PARVA: variants seen among roughly 807,000 people sequenced by gnomAD.
PARVA encodes the protein parvin alpha.
Under a neutral mutation model 52.6 loss-of-function variants are expected in PARVA, and 25 were observed. The ratio of observed to expected loss-of-function variants is 0.48; its 90% CI spans 0.35 to 0.66. PARVA has a LOEUF of 0.66. PARVA is among the 30% of genes least tolerant of loss of function. The probability of loss-of-function intolerance (pLI) is 0.01; values close to 1 mark genes in which losing one functional copy is unlikely to be tolerated. For synonymous variants in PARVA, 185 were observed against 179.1 expected (o/e 1.03, Z -0.26); for missense variants, 373 against 450.9 (o/e 0.83, Z 1.56).
intron 1 of PARVA, among the ~76,000 whole-genome samples, chr11:12,469,608 TG>T (rs1940904195): frequency 1.3e-5 from 2 of 152,156 alleles, no homozygotes; most frequent in Non-Finnish European, 2.9e-5. Context: ...TGGCCACTAA[TG>T]GGGCCCCATG....
intron 1 of PARVA, among the ~76,000 whole-genome samples, chr11:12,437,816 G>A (rs1484182140): frequency 6.6e-6 from 1 of 152,122 alleles, no homozygotes; most frequent in African/African-American, 2.4e-5. Context: ...AAAAAGGAAA[G>A]GTGGCAGCTT....
At chr11:12,382,953 A>G (rs1484276557) in intron 1 of PARVA, among the ~76,000 whole-genome samples, 1 of 152,226 alleles carries the variant, frequency 6.6e-6, no homozygotes, top group Non-Finnish European at 1.5e-5. Context: ...GAAATTTGAA[A>G]TAGTCTTTTT....
intron 1 of PARVA, among the ~76,000 whole-genome samples, chr11:12,380,179 T>TATTCTGCCAGCCACGTC (rs1230480553): frequency 7.1e-6 from 1 of 140,424 alleles, no homozygotes; most frequent in African/African-American, 2.9e-5. Context: ...ACAGGGTCCC[T>TATTCTGCCAGCCACGTC]GCAGGAAAAA....
At chr11:12,392,113 A>C (rs1451933926) in intron 1 of PARVA, among the ~76,000 whole-genome samples, 1 of 151,894 alleles carries the variant, frequency 6.6e-6, no homozygotes, top group Non-Finnish European at 1.5e-5. Flanking sequence ...AATAATATAT[A>C]TTATTATAAT....
At chr11:12,513,959 G>A (rs764884398) in intron 9 of PARVA, 38 bp from the exon 10 acceptor site, 45 of 1,567,182 alleles carry the variant, frequency 2.9e-5, no homozygotes, top group East Asian at 4.5e-5. Flanking sequence ...GCACTAGTGC[G>A]AGTCCCCAGC....
intron 1 of PARVA, among the ~76,000 whole-genome samples, chr11:12,413,831 CATT>C (rs770685939): frequency 5.9e-5 from 9 of 152,350 alleles, no homozygotes; most frequent in Non-Finnish European, 1.2e-4. Flanking sequence ...AGCTGAAAGA[CATT>C]AATCACCCAT....
chr11:12,432,193 G>C (rs1940324889), intron 1 of PARVA, among the ~76,000 whole-genome samples: 1 of 152,042 alleles, frequency 6.6e-6, no homozygotes. Flanking sequence ...TTTCTCACCT[G>C]TCTCTTGAAA....
chr11:12,525,823 C>G (rs971917470), intron 12 of PARVA, among the ~76,000 whole-genome samples: 1 of 152,116 alleles, frequency 6.6e-6, no homozygotes, highest in Non-Finnish European at 1.5e-5. Flanking sequence ...AGCCCCTGGT[C>G]TATCAGTAGG....
rs141147981 is a variant in PARVA at position 12,511,863 on chromosome 11, T to G, written c.736+330T>G. Among the ~76,000 whole-genome samples, 986 of 152,326 alleles carry G rather than the reference T, an allele frequency of 6.5e-3. 4 individuals carry two copies. The highest frequency in any genetic ancestry group is 0.011 in the Non-Finnish European group (779 of 68,028). On this transcript the variant is annotated intron_variant, in intron 8 of 12. Transcript: ENST00000334956. ...AGCCCAAGGGTGAAGGAGGAGATTA[T>G]GATCTTGGTTTATCCAGCACTTAAC...
At chr11:12,402,820 C>A (rs1939848353) in intron 1 of PARVA, among the ~76,000 whole-genome samples, 1 of 152,182 alleles carries the variant, frequency 6.6e-6, no homozygotes, top group Non-Finnish European at 1.5e-5. Context: ...TGGGTCTGGC[C>A]CTCTGTCAGA....
intron 1 of PARVA, among the ~76,000 whole-genome samples, chr11:12,409,677 G>C (rs1939965428): frequency 6.6e-6 from 1 of 152,004 alleles, no homozygotes; most frequent in African/African-American, 2.4e-5. Context: ...GCAAGGAAAT[G>C]GATTCTCCCC....
At chr11:12,483,614 C>G (rs1303972427) in intron 4 of PARVA, among the ~76,000 whole-genome samples, 2 of 152,182 alleles carry the variant, frequency 1.3e-5, no homozygotes, top group Non-Finnish European at 2.9e-5. Context: ...GAGGAGAGAG[C>G]CTTGGGGCCA....
At chr11:12,392,301 C>T (rs1939670647) in intron 1 of PARVA, among the ~76,000 whole-genome samples, 1 of 143,304 alleles carries the variant, frequency 7.0e-6, no homozygotes, top group Admixed American at 7.2e-5. Context: ...CGGAGTCTTG[C>T]TCTGTCACTC....
intron 1 of PARVA, among the ~76,000 whole-genome samples, chr11:12,436,734 C>G (rs952600247): frequency 6.6e-6 from 1 of 152,030 alleles, no homozygotes; most frequent in African/African-American, 2.4e-5. Context: ...CAGGTTGTTG[C>G]TGGAACCAGA....
At chr11:12,464,323 CCA>C (rs1399353397) in intron 1 of PARVA, among the ~76,000 whole-genome samples, 1 of 152,184 alleles carries the variant, frequency 6.6e-6, no homozygotes, top group Non-Finnish European at 1.5e-5. Flanking sequence ...ACCACATGGA[CCA>C]TTCTAGCTTT....
chr11:12,406,404 A>G (rs1416893767), intron 1 of PARVA, among the ~76,000 whole-genome samples: 2 of 152,222 alleles, frequency 1.3e-5, no homozygotes, highest in African/African-American at 4.8e-5. Context: ...TCAGAGCAAC[A>G]TCTAGATTAG....
At chr11:12,394,141 G>A (rs1002978864) in intron 1 of PARVA, among the ~76,000 whole-genome samples, 1 of 152,128 alleles carries the variant, frequency 6.6e-6, no homozygotes, top group Non-Finnish European at 1.5e-5. Context: ...TTTCAGATGA[G>A]GAAGCTGAAG....
intron 1 of PARVA, among the ~76,000 whole-genome samples, chr11:12,429,649 CA>C (rs1213275916): frequency 2.0e-5 from 3 of 152,136 alleles, no homozygotes; most frequent in African/African-American, 7.2e-5. Flanking sequence ...AACCTTTTCC[CA>C]ATAAATTTAT....
intron 1 of PARVA, among the ~76,000 whole-genome samples, chr11:12,380,018 C>T (rs557703682): frequency 1.3e-5 from 2 of 152,268 alleles, no homozygotes; most frequent in African/African-American, 4.8e-5. Context: ...GTTGGTAGAG[C>T]CAGAGAATGA....
Sources: gnomAD v4.1 joint callset for allele counts (sites outside exome capture counted in the v4.1 genomes callset) on GRCh38, gnomAD v4.1.1 for gene constraint, MANE v1.5 for transcripts, NCBI Gene and HGNC (gene_info 2026-07-23, HGNC 2026-07-21) for gene names.